Variants in HECW2 observed in about 807,000 individuals in gnomAD.
HECW2 encodes HECT, C2 and WW domain containing E3 ubiquitin protein ligase 2, also known as E3 ubiquitin-protein ligase HECW2.
In HECW2, 61 loss-of-function variants were observed where a neutral mutation model predicts 175.2. The observed-to-expected ratio is 0.35, with a 90% CI of 0.28 to 0.43. The LOEUF (loss-of-function observed/expected upper bound fraction) is 0.43. Among genes scored for constraint, HECW2 ranks in the 20% least tolerant of loss-of-function variants. HECW2 has a pLI of 1.00. For synonymous variants in HECW2, 671 were observed against 731.0 expected (o/e 0.92, Z 1.32); for missense variants, 1,524 against 2,000.5 (o/e 0.76, Z 4.54).
chr2:196,319,684 C>T lies in HECW2; in HGVS notation c.1206G>A (p.Thr402=), dbSNP rs546829597. 4 of 1,614,184 alleles carry T rather than the reference C, an allele frequency of 2.5e-6. No homozygotes were observed. The highest frequency in any genetic ancestry group is 1.7e-5 in the Admixed American group (1 of 60,020). The change falls in exon 9 of 29, where the codon ACG becomes ACA. Residue 402 remains threonine, a synonymous_variant. Coordinates refer to ENST00000644978, the MANE Select transcript of HECW2 (RefSeq NM_001348768.2). ...CTCTGGGAGGTGAGGTCCTTGAAGA[C>T]GTAGAGGTTAATTCCTCTGTGTCTA... ...LEIDTEELTS[T]SSRTSPPRGR...
At chr2:196,542,253 G>GCA (rs1445161994) in intron 1 of HECW2, among the ~76,000 whole-genome samples, 1 of 134,110 alleles carries the variant, frequency 7.5e-6, no homozygotes, top group Non-Finnish European at 1.5e-5. Flanking sequence ...GACAGAGTGA[G>GCA]ACTCTGTCTC....
intron 1 of HECW2, among the ~76,000 whole-genome samples, chr2:196,539,355 G>A (rs1384486078): frequency 1.3e-5 from 2 of 152,284 alleles, no homozygotes; most frequent in African/African-American, 2.4e-5. Context: ...TACGTAGGCC[G>A]GACGCAGTGG....
At chr2:196,495,377 T>C (rs1446798019) in intron 1 of HECW2, among the ~76,000 whole-genome samples, 1 of 152,132 alleles carries the variant, frequency 6.6e-6, no homozygotes, top group Non-Finnish European at 1.5e-5. Context: ...TCACTCTTTA[T>C]ACTAGAAACC....
chr2:196,311,821 C>T (rs2105729415), intron 10 of HECW2, among the ~76,000 whole-genome samples: 1 of 152,228 alleles, frequency 6.6e-6, no homozygotes, highest in Admixed American at 6.5e-5. Context: ...AACAAACAAA[C>T]AAAACCCTAA....
intron 1 of HECW2, among the ~76,000 whole-genome samples, chr2:196,576,314 A>T (rs1690560802): frequency 6.6e-6 from 1 of 152,188 alleles, no homozygotes; most frequent in Non-Finnish European, 1.5e-5. Flanking sequence ...GACACATTTC[A>T]TAGAAATTAT....
intron 1 of HECW2, among the ~76,000 whole-genome samples, chr2:196,439,840 A>G (rs569274042): frequency 9.1e-4 from 139 of 152,284 alleles, no homozygotes; most frequent in African/African-American, 3.2e-3. Context: ...AGAGGTGGGG[A>G]AACCAGTGAG....
rs55851966 is a variant in HECW2, at chr2:196,402,200, CAA to C, written c.292+30930_292+30931del. The stretch of plus-strand genomic sequence containing the variant: ...TGGGCAACAGAGTGAGACTCTGTCT[CAA>C]AAAAAAAAAAAAAAAAAAAAAAAAG... On this transcript the variant is annotated intron_variant, in intron 2 of 28. Transcript: ENST00000644978. 1.0e-2 allele frequency among the ~76,000 whole-genome samples: 701 copies of C among 70,164 alleles called. 2 individuals carry two copies. The highest frequency in any genetic ancestry group is 0.035 in the African/African-American group (662 of 18,926). 46.0% of individuals were successfully genotyped at this position (70,164 alleles called of 152,430 possible).
intron 1 of HECW2, among the ~76,000 whole-genome samples, chr2:196,495,541 C>CTA (rs1687360298): frequency 6.6e-6 from 1 of 152,132 alleles, no homozygotes; most frequent in African/African-American, 2.4e-5. Flanking sequence ...GGAAGAACTT[C>CTA]TATATAAACA....
chr2:196,460,362 A>G (rs13401352), intron 1 of HECW2, among the ~76,000 whole-genome samples: 34,570 of 151,962 alleles, frequency 0.23, 4,635 homozygotes, highest in African/African-American at 0.38. Flanking sequence ...AACTCAAAAA[A>G]GAACAGACTC....
chr2:196,219,458 A>G (rs1687588889), intron 26 of HECW2, among the ~76,000 whole-genome samples: 1 of 152,188 alleles, frequency 6.6e-6, no homozygotes, highest in Admixed American at 6.5e-5. Flanking sequence ...TTAGCTTCCC[A>G]TTTTGTGAAG....
Position 196,308,076 on chromosome 2 carries a change from GC to G in HECW2, c.2443del (p.Ala815HisfsTer15). The part of the protein sequence containing the change: ...VDEALPPNWE[A>X]RIDSHGRIFY... ...GATCCTGCCGTGGCTGTCAATGCGT[GC>G]CTCCCAGTCTAAATGGCAGTGAGGC... is the stretch of plus-strand genomic sequence containing the variant. On this transcript the variant is annotated frameshift_variant, in exon 11 of 29. Coordinates refer to ENST00000644978, the MANE Select transcript of HECW2 (RefSeq NM_001348768.2). LOFTEE classifies it high-confidence loss of function. 6.3e-7 allele frequency: 1 copy of G among 1,584,782 alleles called. No homozygotes were observed. Among genetic ancestry groups the G allele is most frequent in the Non-Finnish European group, 8.6e-7 (1 of 1,159,326 alleles).
chr2:196,564,537 A>G (rs911135328), intron 1 of HECW2, among the ~76,000 whole-genome samples: 1 of 152,212 alleles, frequency 6.6e-6, no homozygotes, highest in African/African-American at 2.4e-5. Context: ...AAATAAATAT[A>G]TCACATACAT....
intron 1 of HECW2, among the ~76,000 whole-genome samples, chr2:196,487,355 T>C (rs986054621): frequency 2.0e-5 from 3 of 152,130 alleles, no homozygotes; most frequent in African/African-American, 7.2e-5. Flanking sequence ...AATAAACTTC[T>C]ATTATTGCCC....
At chr2:196,564,387 T>A (rs944660085) in intron 1 of HECW2, among the ~76,000 whole-genome samples, 1 of 152,186 alleles carries the variant, frequency 6.6e-6, no homozygotes, top group Non-Finnish European at 1.5e-5. Flanking sequence ...TTATGATTAA[T>A]TAGGAAGATT....
At chr2:196,276,121 A>C (rs928658414) in intron 15 of HECW2, among the ~76,000 whole-genome samples, 5 of 152,230 alleles carry the variant, frequency 3.3e-5, no homozygotes, top group Non-Finnish European at 7.3e-5. Context: ...TTCCCAGAAA[A>C]GCCAAAGGTC....
chr2:196,456,569 G>A (rs77791818), intron 1 of HECW2, among the ~76,000 whole-genome samples: 21 of 152,314 alleles, frequency 1.4e-4, no homozygotes, highest in African/African-American at 5.1e-4. Flanking sequence ...GCTTAGGCTG[G>A]TCACAGATTG....
intron 1 of HECW2, among the ~76,000 whole-genome samples, chr2:196,495,260 G>T (rs950061571): frequency 6.6e-6 from 1 of 151,726 alleles, no homozygotes. Context: ...TAGAGATGGG[G>T]TTTCACCATG....
At chr2:196,338,006 C>T (rs538897169) in intron 3 of HECW2, among the ~76,000 whole-genome samples, 1 of 152,266 alleles carries the variant, frequency 6.6e-6, no homozygotes, top group East Asian at 1.9e-4. Context: ...AGAAAAGCCC[C>T]ATTATTTTCA....
At chr2:196,460,146 A>G (rs10181992) in intron 1 of HECW2, among the ~76,000 whole-genome samples, 32,974 of 152,024 alleles carry the variant, frequency 0.22, 4,105 homozygotes, top group African/African-American at 0.34. Context: ...TATGAACCTC[A>G]TCATTCTTCA....
Sources: allele counts gnomAD v4.1 joint callset (sites outside exome capture counted in the v4.1 genomes callset), GRCh38; gene constraint gnomAD v4.1.1; transcripts MANE v1.5; gene names NCBI Gene and HGNC (gene_info 2026-07-23, HGNC 2026-07-21).